Variants in STAT5A observed in about 807,000 individuals in gnomAD.
STAT5A encodes signal transducer and activator of transcription 5A.
A neutral mutation model predicts 100.2 loss-of-function variants in STAT5A; 26 were observed. The ratio of observed to expected loss-of-function variants is 0.26; its 90% CI spans 0.19 to 0.36. The LOEUF is 0.36. Among genes scored for constraint, STAT5A ranks in the 10% least tolerant of loss-of-function variants. The pLI is 1.00. For synonymous variants in STAT5A, 330 were observed against 424.3 expected (o/e 0.78, Z 2.73); for missense variants, 634 against 1,027.5 (o/e 0.62, Z 5.24).
In STAT5A at chr17:42,308,438, A is replaced by C. The variant is rs1263313145; in HGVS notation, c.2062+105A>C. On this transcript the variant is annotated intron_variant, in intron 16 of 18. Coordinates refer to ENST00000590949, the MANE Select transcript of STAT5A (RefSeq NM_001288718.2). The surrounding 1 kb of genome is among the most constrained non-coding windows in gnomAD (Gnocchi z 4.6). ...GTGGGGACTTCCCCAGGAGGAGCCT[A>C]GGGGCCATGTCCCCTGTGGGTTTTG... 1 of 1,523,742 alleles carries C rather than the reference A, an allele frequency of 6.6e-7. No individual in the cohort carries two copies. Among genetic ancestry groups the C allele is most frequent in the East Asian group, 2.3e-5 (1 of 42,994 alleles). 94.4% of individuals were successfully genotyped at this position (1,523,742 alleles called of 1,614,324 possible).
Position 42,305,199 on chromosome 17 carries a change from C to T in STAT5A, c.1381-411C>T, listed in dbSNP as rs549193697. Among the ~76,000 whole-genome samples the T allele has an allele frequency of 1.9e-3, 283 of 151,962 alleles. 2 individuals are homozygous for T. The highest frequency in any genetic ancestry group is 6.4e-3 in the African/African-American group (264 of 41,450). On this transcript the variant is annotated intron_variant, in intron 11 of 18. Transcript: ENST00000590949. ...TGGGCGACCGAGCGAGACCCTGTCT[C>T]GAAGAAAATAAAGCAGATTGCGGCC...
chr17:42,311,185 C>T lies in STAT5A; in HGVS notation c.*516C>T, dbSNP rs1372701804. ...ATGTGTTGATGTAACCGATTCATCTCTCAGAAGGGAGGCTGGGGTTCATTT... is the reference window on the plus strand; with the variant it reads ...ATGTGTTGATGTAACCGATTCATCTTTCAGAAGGGAGGCTGGGGTTCATTT... On this transcript the variant is annotated 3_prime_UTR_variant, in exon 19 of 19. Coordinates refer to ENST00000590949, the MANE Select transcript of STAT5A (RefSeq NM_001288718.2). 1.9e-5 allele frequency: 3 copies of T among 162,024 alleles called. No individual in the cohort carries two copies. 10.0% of individuals were successfully genotyped at this position (162,024 alleles called of 1,614,324 possible). A position where few individuals can be genotyped will look rare whatever the true frequency, so the allele number is the denominator to read the frequency against.
chr17:42,305,481 A>C, intron 11 of STAT5A, 129 bp from the exon 12 acceptor site: 1 of 717,104 alleles, frequency 1.4e-6, no homozygotes, highest in Non-Finnish European at 2.3e-6. Flanking sequence ...CAGCCTGGGC[A>C]ACAAGAGTGA....
At chr17:42,296,423 C>T (rs937163708) in intron 5 of STAT5A, among the ~76,000 whole-genome samples, 2 of 152,142 alleles carry the variant, frequency 1.3e-5, no homozygotes, top group Non-Finnish European at 2.9e-5. Flanking sequence ...ATCAAATTAG[C>T]TTGAAAGGAA....
At chr17:42,287,861 G>A (rs1377207273), upstream of STAT5A, 1 of 152,266 alleles carries the variant, frequency 6.6e-6, no homozygotes, top group East Asian at 1.9e-4. Flanking sequence ...CGTCAGGGTT[G>A]AGTTTAGATG....
In STAT5A at chr17:42,301,248, G is replaced by C. The variant is rs370079578; in HGVS notation, c.990-27G>C. The C allele has an allele frequency of 3.7e-6, 6 of 1,605,802 alleles. No homozygotes were observed. The African/African-American group carries it at 4.0e-5, about 11-fold the overall frequency. On this transcript the variant is annotated intron_variant, in intron 8 of 18. Coordinates refer to ENST00000590949, the MANE Select transcript of STAT5A (RefSeq NM_001288718.2). Reference sequence around the variant, plus strand: ...CTTTCCCCTGCGCCAACCCCTCATCGTGTGTCTGTCCCTGTGTCCCATGCA... The same window carrying C: ...CTTTCCCCTGCGCCAACCCCTCATCCTGTGTCTGTCCCTGTGTCCCATGCA...
chr17:42,310,282 C>G (rs1030311507), intron 18 of STAT5A, among the ~76,000 whole-genome samples: 2 of 152,250 alleles, frequency 1.3e-5, no homozygotes, highest in Non-Finnish European at 2.9e-5. Context: ...AATGAATTCC[C>G]TAAGATTATT....
chr17:42,292,167 C>G, intron 4 of STAT5A, 106 bp downstream of exon 4: 1 of 1,375,502 alleles, frequency 7.3e-7, no homozygotes, highest in East Asian at 2.4e-5. Flanking sequence ...AGGAGAGCAC[C>G]AAGAAGATGA....
chr17:42,303,900 A>T (rs2081003970), intron 9 of STAT5A, among the ~76,000 whole-genome samples: 3 of 152,030 alleles, frequency 2.0e-5, no homozygotes, highest in Admixed American at 2.0e-4. Flanking sequence ...AGCAAGGGCC[A>T]ATGTCCAAGC....
chr17:42,301,164 A>T (rs560813207), intron 8 of STAT5A, 111 bp from the exon 9 acceptor site: 34 of 1,515,958 alleles, frequency 2.2e-5, no homozygotes, highest in Middle Eastern at 2.4e-4. Context: ...GCCCGAGCTC[A>T]TCACCTCCTG....
At chr17:42,294,013 G>A (rs1030984272) in intron 4 of STAT5A, among the ~76,000 whole-genome samples, 18 of 152,216 alleles carry the variant, frequency 1.2e-4, no homozygotes, top group Admixed American at 8.5e-4. Context: ...TCAGAAGTTC[G>A]AGACCAGCCT....
In STAT5A at chr17:42,304,422, G is replaced by A. The variant is rs1286830073; in HGVS notation, c.1250G>A (p.Arg417Lys). Residue 417 changes from arginine to lysine, a missense_variant, in exon 10 of 19, where the codon AGG becomes AAG. Transcript: ENST00000590949. This position sits in a 1 kb window ranked among gnomAD's most constrained non-coding sequence, Gnocchi z 4.8. ...QATGTLSAHF[R>K]NMSLKRIKRA... is the part of the protein sequence containing the mutation. ...ACGGGCACCCTCAGTGCCCACTTCA[G>A]GAACATGGTGAGGACGGGGCCCACC... 3 of 1,614,144 alleles carry A rather than the reference G, an allele frequency of 1.9e-6. No homozygotes were observed. The highest frequency in any genetic ancestry group is 1.7e-6 in the Non-Finnish European group (2 of 1,180,056).
intron 12 of STAT5A, 66 bp from the exon 13 acceptor site, chr17:42,306,175 T>G: frequency 2.5e-6 from 4 of 1,611,330 alleles, no homozygotes; most frequent in Non-Finnish European, 8.5e-7. Context: ...TCTGTGTATC[T>G]TGTGTGTGTG....
In STAT5A at chr17:42,304,877, G is replaced by A. The variant is rs1430640655; in HGVS notation, c.1380+225G>A. Among the ~76,000 whole-genome samples the A allele has an allele frequency of 1.3e-5, 2 of 152,220 alleles. No individual in the cohort carries two copies. Among genetic ancestry groups the A allele is most frequent in the African/African-American group, 4.8e-5 (2 of 41,456 alleles). On this transcript the variant is annotated intron_variant, in intron 11 of 18. Coordinates refer to ENST00000590949, the MANE Select transcript of STAT5A (RefSeq NM_001288718.2). The surrounding 1 kb of genome is among the most constrained non-coding windows in gnomAD (Gnocchi z 4.8). The stretch of plus-strand genomic sequence containing the variant: ...TTTGCTTGTGCCTACATTTTGCTGG[G>A]AGGGGCTTGTGTTTGGAACTGTGGG...
Position 42,308,073 on chromosome 17 carries a change from A to G in STAT5A, c.1907-105A>G, listed in dbSNP as rs1446520007. 22 of 1,471,104 alleles carry G rather than the reference A, an allele frequency of 1.5e-5. No homozygotes were observed. In the East Asian group the frequency reaches 4.4e-4, roughly 29 times the overall value. 91.1% of individuals were successfully genotyped at this position (1,471,104 alleles called of 1,614,324 possible). ...ACAGGCTGGGGCTGCAGCGCAAGCT[A>G]CTATATAAAAGCCCAGATTTCTCTT... On this transcript the variant is annotated intron_variant, in intron 15 of 18. Coordinates refer to ENST00000590949, the MANE Select transcript of STAT5A (RefSeq NM_001288718.2). The surrounding 1 kb of genome is among the most constrained non-coding windows in gnomAD (Gnocchi z 4.6).
intron 9 of STAT5A, among the ~76,000 whole-genome samples, chr17:42,302,365 G>A (rs1326678088): frequency 6.6e-6 from 1 of 152,168 alleles, no homozygotes; most frequent in Non-Finnish European, 1.5e-5. Context: ...GAGAAAGGGG[G>A]TCTTCTTGCA....
intron 5 of STAT5A, among the ~76,000 whole-genome samples, chr17:42,296,569 T>A (rs1413915168): frequency 6.6e-6 from 1 of 152,218 alleles, no homozygotes; most frequent in African/African-American, 2.4e-5. Context: ...TCCTTTACTC[T>A]TTTTAATCTG....
At chr17:42,289,656 C>T (rs1191456024) in intron 2 of STAT5A, 117 bp downstream of exon 2, 22 of 1,461,400 alleles carry the variant, frequency 1.5e-5, no homozygotes, top group South Asian at 2.8e-5. Flanking sequence ...CTTCTTTGTG[C>T]GGAAGGGGTG....
rs1248383783 is a variant in STAT5A, at chr17:42,288,776, C to T, written c.-11+178C>T. On this transcript the variant is annotated intron_variant, in intron 1 of 18. Transcript: ENST00000590949. The surrounding 1 kb of genome is among the most constrained non-coding windows in gnomAD (Gnocchi z 4.8). ...GACGGGGGGACGTGGGGACAGGGGT[C>T]GGGGATGAAAGGCAGAGGCCAGGGA... is the stretch of plus-strand genomic sequence containing the variant. Among the ~76,000 whole-genome samples, 4 of 152,072 alleles carry T rather than the reference C, an allele frequency of 2.6e-5. No homozygotes were observed. Among genetic ancestry groups the T allele is most frequent in the Admixed American group, 6.5e-5 (1 of 15,282 alleles).
Sources: allele counts gnomAD v4.1 joint callset (sites outside exome capture counted in the v4.1 genomes callset), GRCh38; gene constraint gnomAD v4.1.1; non-coding constraint Gnocchi (gnomAD v3.1); transcripts MANE v1.5; gene names NCBI Gene and HGNC (gene_info 2026-07-23, HGNC 2026-07-21).